Variants in ATAD2B observed in about 807,000 individuals in gnomAD.
ATAD2B encodes the protein ATPase family AAA domain-containing protein 2B.
ATAD2B carries 40 observed loss-of-function variants against 167.6 expected under a neutral mutation model. The ratio of observed to expected loss-of-function variants is 0.24; its 90% CI spans 0.19 to 0.31. The LOEUF (loss-of-function observed/expected upper bound fraction) is 0.31, where lower values mean the gene tolerates loss of function less well. ATAD2B is among the 10% of genes least tolerant of loss of function. The pLI is 1.00. For missense variants in ATAD2B, 1,242 were observed against 1,757.2 expected, an observed-to-expected ratio of 0.71 and a Z score of 5.24; for synonymous variants, 579 against 596.5, an observed-to-expected ratio of 0.97 and a Z score of 0.43.
intron 7 of ATAD2B, among the ~76,000 whole-genome samples, chr2:23,879,440 T>C (rs1399892251): frequency 2.0e-5 from 3 of 152,084 alleles, no homozygotes; most frequent in African/African-American, 7.2e-5. Flanking sequence ...AGATCCTGTT[T>C]CTACAAAAAA....
In ATAD2B at chr2:23,807,823, A is replaced by AT. The variant is rs1558568071; in HGVS notation, c.2454+2492_2454+2493insA. On this transcript the variant is annotated intron_variant, in intron 18 of 27. Coordinates refer to ENST00000238789, the MANE Select transcript of ATAD2B (RefSeq NM_017552.4). Reference sequence around the variant, plus strand: ...AGAGCGTGACTCCATCTTAAAAAAAAAAAAAATATATATATATATATAATA... The same window carrying AT: ...AGAGCGTGACTCCATCTTAAAAAAAATAAAAAATATATATATATATATAATA... Among the ~76,000 whole-genome samples, 66 of 80,556 alleles carry AT rather than the reference A, an allele frequency of 8.2e-4. 1 individual carries two copies. Among genetic ancestry groups the AT allele is most frequent in the East Asian group, 1.5e-3 (2 of 1,368 alleles). The allele number at this position is 80,556 out of a possible 152,430, so 52.8% of individuals were successfully genotyped here.
At chr2:23,727,541 C>T in the ATAD2B span, among the ~76,000 whole-genome samples, 1 of 152,096 alleles carries the variant, frequency 6.6e-6, no homozygotes, top group Non-Finnish European at 1.5e-5. Flanking sequence ...TCCAAATAAT[C>T]CAGCAATCAT....
chr2:23,699,401 G>T, the ATAD2B span, among the ~76,000 whole-genome samples: 1 of 152,202 alleles, frequency 6.6e-6, no homozygotes, highest in Non-Finnish European at 1.5e-5. Flanking sequence ...TCCCCTGCTG[G>T]GAGGGCCTAA....
chr2:23,678,245 C>A, the ATAD2B span, among the ~76,000 whole-genome samples: 1 of 152,224 alleles, frequency 6.6e-6, no homozygotes, highest in East Asian at 1.9e-4. Flanking sequence ...CTTCCAGTCC[C>A]CATTCCCTCG....
chr2:23,752,095 A>G lies in ATAD2B; in HGVS notation c.4336-8T>C, dbSNP rs1353266601. 5.2e-6 allele frequency: 8 copies of G among 1,546,370 alleles called. No homozygotes were observed. In the East Asian group the frequency reaches 1.7e-4, roughly 32 times the overall value. ...AACTGTTCTTTCCATCTCCTATAAA[A>G]GGAAAAAAAATGCATGTTATCTATT... On this transcript the variant is annotated splice_polypyrimidine_tract_variant and splice_region_variant and intron_variant, in intron 27 of 27. Coordinates refer to ENST00000238789, the MANE Select transcript of ATAD2B (RefSeq NM_017552.4).
At chr2:23,913,924 G>A (rs1038994257) in intron 1 of ATAD2B, among the ~76,000 whole-genome samples, 5 of 151,988 alleles carry the variant, frequency 3.3e-5, no homozygotes, top group African/African-American at 4.8e-5. Context: ...CTATGATCAC[G>A]CCAGGGCACT....
chr2:23,903,126 C>CT (rs1333913830), intron 1 of ATAD2B, among the ~76,000 whole-genome samples: 2 of 152,032 alleles, frequency 1.3e-5, no homozygotes, highest in Admixed American at 6.6e-5. Flanking sequence ...GTCCCAGCTA[C>CT]TTGGGAGGCT....
intron 1 of ATAD2B, among the ~76,000 whole-genome samples, chr2:23,909,439 C>CATAT (rs142022080): frequency 0.015 from 2,266 of 149,688 alleles, 29 homozygotes; most frequent in Middle Eastern, 0.039. Context: ...TACATACATA[C>CATAT]ATATATATAT....
chr2:23,835,468 G>C (rs901522228), intron 13 of ATAD2B, among the ~76,000 whole-genome samples: 8 of 152,260 alleles, frequency 5.3e-5, no homozygotes, highest in Non-Finnish European at 1.0e-4. Context: ...CAAATCTATA[G>C]AAAAAGAAAG....
At chr2:23,900,332 G>A (rs1036852158) in intron 1 of ATAD2B, among the ~76,000 whole-genome samples, 7 of 151,788 alleles carry the variant, frequency 4.6e-5, no homozygotes, top group Admixed American at 3.3e-4. Flanking sequence ...CCCACAAAGC[G>A]CCGGGATTAC....
At chr2:23,837,677 CT>C (rs1398151169) in intron 13 of ATAD2B, among the ~76,000 whole-genome samples, 1 of 152,210 alleles carries the variant, frequency 6.6e-6, no homozygotes, top group East Asian at 1.9e-4. Context: ...CTCAATAAAG[CT>C]GTTTTTCTTA....
At chr2:23,824,271 C>A (rs1051361543) in intron 15 of ATAD2B, among the ~76,000 whole-genome samples, 1 of 152,164 alleles carries the variant, frequency 6.6e-6, no homozygotes, top group African/African-American at 2.4e-5. Flanking sequence ...CTACAACGTA[C>A]AACTTTCTTT....
At chr2:23,741,713 T>C in the ATAD2B span, among the ~76,000 whole-genome samples, 1 of 152,060 alleles carries the variant, frequency 6.6e-6, no homozygotes, top group Admixed American at 6.5e-5. Flanking sequence ...GGGATCTAAT[T>C]AAACTAAAGA....
chr2:23,718,517 A>G, the ATAD2B span, among the ~76,000 whole-genome samples: 1 of 152,100 alleles, frequency 6.6e-6, no homozygotes, highest in Non-Finnish European at 1.5e-5. Flanking sequence ...AGAACTGACC[A>G]GGACCAAGAG....
the ATAD2B span, among the ~76,000 whole-genome samples, chr2:23,740,362 T>C: frequency 6.6e-6 from 1 of 152,024 alleles, no homozygotes. Flanking sequence ...CATGATCAAG[T>C]GGGCTTCATC....
the ATAD2B span, chr2:23,693,423 C>T: frequency 6.4e-7 from 1 of 1,551,766 alleles, no homozygotes; most frequent in Non-Finnish European, 8.7e-7. Context: ...CCAAGGACGA[C>T]TTCATCGCCT....
intron 6 of ATAD2B, among the ~76,000 whole-genome samples, chr2:23,882,503 A>T (rs1328093306): frequency 1.3e-4 from 11 of 87,552 alleles, no homozygotes; most frequent in African/African-American, 4.9e-4. Context: ...GCCTCTATTT[A>T]AAAAAAAAAA....
At chr2:23,819,171 A>C (rs999664311) in intron 17 of ATAD2B, among the ~76,000 whole-genome samples, 1 of 152,138 alleles carries the variant, frequency 6.6e-6, no homozygotes, top group Non-Finnish European at 1.5e-5. Flanking sequence ...CTCTGCCTCC[A>C]TGGGGGAAAA....
rs1046066296 is a variant in ATAD2B at position 23,836,506 on chromosome 2, T to C, written c.1569-2428A>G. Among the ~76,000 whole-genome samples the C allele has an allele frequency of 4.3e-4, 66 of 152,318 alleles. 1 individual carries two copies. The highest frequency in any genetic ancestry group is 1.0e-3 in the Admixed American group (16 of 15,306). On this transcript the variant is annotated intron_variant, in intron 13 of 27. Transcript: ENST00000238789. ...GTTTGTATTATAGCTCTTTCAGCCC[T>C]GCCATCTGACAGGTCCCGAGTTCTT...
Sources: allele counts gnomAD v4.1 joint callset (sites outside exome capture counted in the v4.1 genomes callset), GRCh38; gene constraint gnomAD v4.1.1; transcripts MANE v1.5; gene names NCBI Gene and HGNC (gene_info 2026-07-23, HGNC 2026-07-21).